The following GMCL1 variants were observed in gnomAD, a reference collection of about 807,000 sequenced individuals.
GMCL1 encodes germ cell-less 1, spermatogenesis associated, also known as germ cell-less protein-like 1.
In GMCL1, 54 loss-of-function variants were observed where a neutral mutation model predicts 75.5. The ratio of observed to expected loss-of-function variants is 0.71; its 90% confidence interval spans 0.57 to 0.90. GMCL1 has a LOEUF of 0.90. Among genes scored for constraint, GMCL1 ranks in the 40% least tolerant of loss-of-function variants. The pLI, the probability that GMCL1 is intolerant of heterozygous loss-of-function variation, is 0.00. For synonymous variants in GMCL1, 210 were observed against 209.6 expected (o/e 1.00, Z -0.02); for missense variants, 537 against 622.7 (o/e 0.86, Z 1.47).
intron 10 of GMCL1, 92 bp from the exon 11 acceptor site, chr2:69,864,808 G>T: frequency 3.9e-6 from 3 of 771,358 alleles, no homozygotes; most frequent in South Asian, 3.7e-5. Flanking sequence ...TTTAAATCTG[G>T]TAGCAAGATT....
At chr2:69,854,128 A>ATTG (rs1412475327) in intron 8 of GMCL1, among the ~76,000 whole-genome samples, 3 of 143,628 alleles carry the variant, frequency 2.1e-5, no homozygotes, top group African/African-American at 7.6e-5. Context: ...CAGTATTATT[A>ATTG]TTATTATTAT....
At chr2:69,847,110 A>T (rs926763688) in intron 6 of GMCL1, among the ~76,000 whole-genome samples, 1 of 151,280 alleles carries the variant, frequency 6.6e-6, no homozygotes, top group African/African-American at 2.4e-5. Context: ...GGGATTACAG[A>T]TGTGAGCCAC....
intron 10 of GMCL1, among the ~76,000 whole-genome samples, chr2:69,862,532 G>T (rs1046359681): frequency 5.3e-5 from 8 of 152,092 alleles, no homozygotes; most frequent in Admixed American, 2.0e-4. Context: ...GGCCGGGGTG[G>T]GTGGATCACC....
At chr2:69,848,582 C>A (rs1675220851) in intron 7 of GMCL1, among the ~76,000 whole-genome samples, 1 of 152,122 alleles carries the variant, frequency 6.6e-6, no homozygotes, top group Non-Finnish European at 1.5e-5. Flanking sequence ...GTGGTTCGTG[C>A]CTGTAGTCCC....
At chr2:69,850,928 TTATAAC>T (rs1458318697) in intron 8 of GMCL1, among the ~76,000 whole-genome samples, 1 of 152,202 alleles carries the variant, frequency 6.6e-6, no homozygotes, top group Non-Finnish European at 1.5e-5. Flanking sequence ...TTAATGTCCT[TTATAAC>T]TAAAGAGATT....
intron 10 of GMCL1, among the ~76,000 whole-genome samples, chr2:69,864,414 C>CAGT (rs1176830482): frequency 6.6e-6 from 1 of 151,852 alleles, no homozygotes. Flanking sequence ...CAAATAAAGA[C>CAGT]TTAACTGATA....
At chr2:69,864,823 G>A in intron 10 of GMCL1, 77 bp from the exon 11 acceptor site, 1 of 944,014 alleles carries the variant, frequency 1.1e-6, no homozygotes, top group South Asian at 1.5e-5. Context: ...AAGATTTTCT[G>A]TTCTTAACTC....
intron 8 of GMCL1, among the ~76,000 whole-genome samples, chr2:69,853,077 C>A (rs1675365670): frequency 1.3e-5 from 2 of 152,202 alleles, no homozygotes; most frequent in Non-Finnish European, 2.9e-5. Flanking sequence ...GTCTCTTCTA[C>A]AGCCGTGACG....
Position 69,840,582 on chromosome 2 carries a change from G to A in GMCL1, c.482-360G>A, listed in dbSNP as rs180691892. Among the ~76,000 whole-genome samples the A allele has an allele frequency of 3.9e-5, 6 of 152,232 alleles. No individual in the cohort carries two copies. The East Asian group carries it at 5.8e-4, about 15-fold the overall frequency. On this transcript the variant is annotated intron_variant, in intron 3 of 13. Transcript: ENST00000282570. ...CAGTGGTGGAGTGCTGAAAGCAGCC[G>A]GGTTAAGATTATCTTTGAGTCTGCG...
In GMCL1 at chr2:69,880,014, G is replaced by A. The variant is rs760391458; in HGVS notation, c.*1010G>A. 3 of 152,094 alleles carry A rather than the reference G, an allele frequency of 2.0e-5. No individual in the cohort carries two copies. Among genetic ancestry groups the A allele is most frequent in the Non-Finnish European group, 2.9e-5 (2 of 67,998 alleles). The allele number at this position is 152,094 out of a possible 1,614,324, so 9.4% of individuals were successfully genotyped here. On this transcript the variant is annotated 3_prime_UTR_variant, in exon 14 of 14. Coordinates refer to ENST00000282570, the MANE Select transcript of GMCL1 (RefSeq NM_178439.5). The stretch of plus-strand genomic sequence containing the variant: ...TAAATAAGGTCAGAGGATGTAATAT[G>A]GAGCCTGATGATGAAGCATTAATGT...
chr2:69,875,735 G>T (rs555375388), intron 13 of GMCL1, among the ~76,000 whole-genome samples: 5 of 148,558 alleles, frequency 3.4e-5, no homozygotes, highest in African/African-American at 5.0e-5. Flanking sequence ...TTGTTCTGTC[G>T]CCAGGCTGGA....
rs531290691 is a variant in GMCL1 at position 69,850,664 on chromosome 2, C to T, written c.934+922C>T. On this transcript the variant is annotated intron_variant, in intron 8 of 13. Coordinates refer to ENST00000282570, the MANE Select transcript of GMCL1 (RefSeq NM_178439.5). The stretch of plus-strand genomic sequence containing the variant: ...TATATATTATTGCACCATGTATATA[C>T]GTCTTAACATATATTACATAGTGGT... Among the ~76,000 whole-genome samples, 154 of 152,142 alleles carry T rather than the reference C, an allele frequency of 1.0e-3. 2 individuals are homozygous for T. Among genetic ancestry groups the T allele is most frequent in the African/African-American group, 3.6e-3 (150 of 41,516 alleles).
At chr2:69,831,929 C>CT (rs1386107623) in intron 1 of GMCL1, among the ~76,000 whole-genome samples, 1 of 152,136 alleles carries the variant, frequency 6.6e-6, no homozygotes, top group Non-Finnish European at 1.5e-5. Flanking sequence ...TTTAAGAGTT[C>CT]TGAGTTCTTG....
intron 13 of GMCL1, among the ~76,000 whole-genome samples, chr2:69,878,328 G>T (rs948498408): frequency 1.3e-5 from 2 of 152,056 alleles, no homozygotes; most frequent in African/African-American, 4.8e-5. Context: ...TGTACCCAAC[G>T]GCCATCAGTA....
At chr2:69,873,345 T>C (rs969217208) in intron 13 of GMCL1, among the ~76,000 whole-genome samples, 2 of 152,172 alleles carry the variant, frequency 1.3e-5, no homozygotes, top group African/African-American at 4.8e-5. Context: ...GTTGTCTCCG[T>C]GTTTTATATA....
At chr2:69,846,514 G>T (rs1464446688) in intron 6 of GMCL1, among the ~76,000 whole-genome samples, 1 of 152,152 alleles carries the variant, frequency 6.6e-6, no homozygotes, top group Non-Finnish European at 1.5e-5. Context: ...TTTGGTATTT[G>T]TAGGAGGTTC....
chr2:69,878,789 GA>G, intron 13 of GMCL1, 119 bp from the exon 14 acceptor site: 1 of 740,210 alleles, frequency 1.4e-6, no homozygotes, highest in Non-Finnish European at 2.4e-6. Flanking sequence ...GGAGTTTGGA[GA>G]GTGGAGTTGT....
rs140282743 is a variant in GMCL1 at position 69,851,776 on chromosome 2, A to G, written c.934+2034A>G. Among the ~76,000 whole-genome samples, 389 of 152,312 alleles carry G rather than the reference A, an allele frequency of 2.6e-3. 2 individuals are homozygous for G. The highest frequency in any genetic ancestry group is 9.0e-3 in the African/African-American group (374 of 41,566). ...GTGAGACCCTGTCTCAAAAGGAAAA[A>G]AAATGTCTTTTGATGAATAGATATT... On this transcript the variant is annotated intron_variant, in intron 8 of 13. Coordinates refer to ENST00000282570, the MANE Select transcript of GMCL1 (RefSeq NM_178439.5).
intron 13 of GMCL1, among the ~76,000 whole-genome samples, chr2:69,875,624 G>C (rs1466473573): frequency 6.6e-6 from 1 of 151,434 alleles, no homozygotes; most frequent in Non-Finnish European, 1.5e-5. Context: ...CCTTATGTCT[G>C]TCTCTAAAAT....
Sources: gnomAD v4.1 joint callset for allele counts (sites outside exome capture counted in the v4.1 genomes callset) on GRCh38, gnomAD v4.1.1 for gene constraint, MANE v1.5 for transcripts, NCBI Gene and HGNC (gene_info 2026-07-23, HGNC 2026-07-21) for gene names.